Variants in PPARGC1A observed in about 807,000 individuals in gnomAD.
PPARGC1A encodes peroxisome proliferator-activated receptor gamma coactivator 1-alpha.
PPARGC1A carries 25 observed loss-of-function variants against 88.7 expected under a neutral mutation model. The observed-to-expected ratio is 0.28, with a 90% CI of 0.21 to 0.39. The LOEUF (loss-of-function observed/expected upper bound fraction) is 0.39. Among genes scored for constraint, PPARGC1A ranks in the 10% least tolerant of loss-of-function variants. PPARGC1A has a pLI of 1.00. For missense variants in PPARGC1A, 880 were observed against 968.7 expected (o/e 0.91, Z 1.22); for synonymous variants, 363 against 355.6 (o/e 1.02, Z -0.24).
At chr4:24,333,739 G>A in the PPARGC1A span, among the ~76,000 whole-genome samples, 1 of 151,986 alleles carries the variant, frequency 6.6e-6, no homozygotes, top group Non-Finnish European at 1.5e-5. Context: ...TTCAAGACCA[G>A]CCTGGTCAAC....
the PPARGC1A span, among the ~76,000 whole-genome samples, chr4:24,141,944 A>G: frequency 2.0e-5 from 3 of 152,168 alleles, no homozygotes; most frequent in Admixed American, 2.0e-4. Context: ...CCAAATAGTG[A>G]CTCAAAAACC....
the PPARGC1A span, among the ~76,000 whole-genome samples, chr4:23,912,344 A>G: frequency 6.6e-6 from 1 of 152,116 alleles, no homozygotes; most frequent in East Asian, 1.9e-4. Flanking sequence ...TTCTTCACGT[A>G]TAAAGTAGGA....
the PPARGC1A span, among the ~76,000 whole-genome samples, chr4:24,067,582 C>T: frequency 3.3e-5 from 5 of 152,136 alleles, no homozygotes; most frequent in South Asian, 4.1e-4. Flanking sequence ...AAGCATCGCA[C>T]GTGGCCAAGG....
At chr4:24,125,447 T>A in the PPARGC1A span, among the ~76,000 whole-genome samples, 97,121 of 151,878 alleles carry the variant, frequency 0.64, 31,227 homozygotes, top group Non-Finnish European at 0.67. Context: ...ACCCCAAAGC[T>A]GCTGCTGTTA....
the PPARGC1A span, among the ~76,000 whole-genome samples, chr4:24,424,659 C>A: frequency 2.6e-5 from 4 of 152,146 alleles, no homozygotes; most frequent in Non-Finnish European, 5.9e-5. Context: ...ACTTTAGGTT[C>A]CAGTATCCAT....
chr4:23,905,128 T>C (rs371207887), upstream of PPARGC1A, among the ~76,000 whole-genome samples: 40 of 152,328 alleles, frequency 2.6e-4, 1 homozygote, highest in East Asian at 4.4e-3. Context: ...CCCTAGTATG[T>C]AAAGAGCAGC....
At chr4:24,182,631 C>T in the PPARGC1A span, among the ~76,000 whole-genome samples, 2 of 151,960 alleles carry the variant, frequency 1.3e-5, no homozygotes, top group Non-Finnish European at 2.9e-5. Flanking sequence ...AAAAGCGTCC[C>T]TATTTCTCCA....
chr4:24,218,194 A>T, the PPARGC1A span, among the ~76,000 whole-genome samples: 3 of 152,224 alleles, frequency 2.0e-5, no homozygotes, highest in African/African-American at 7.2e-5. Context: ...GCAAAGAAAC[A>T]ATGGCATATA....
At chr4:24,059,834 G>GA in the PPARGC1A span, among the ~76,000 whole-genome samples, 2 of 152,054 alleles carry the variant, frequency 1.3e-5, no homozygotes, top group Non-Finnish European at 2.9e-5. Context: ...GTTATTCCCA[G>GA]AGCCACAAAA....
At chr4:23,805,390 A>C (rs1489386584) in intron 10 of PPARGC1A, among the ~76,000 whole-genome samples, 1 of 152,238 alleles carries the variant, frequency 6.6e-6, no homozygotes, top group Non-Finnish European at 1.5e-5. Context: ...GATAACAAAC[A>C]GTTGGTAAAA....
chr4:24,221,245 CATAT>C, the PPARGC1A span, among the ~76,000 whole-genome samples: 1 of 152,094 alleles, frequency 6.6e-6, no homozygotes, highest in Non-Finnish European at 1.5e-5. Flanking sequence ...TATTTTATTA[CATAT>C]ATATTAGTAT....
chr4:24,073,418 A>G, the PPARGC1A span, among the ~76,000 whole-genome samples: 2 of 152,176 alleles, frequency 1.3e-5, no homozygotes, highest in African/African-American at 4.8e-5. Flanking sequence ...ATACACATAC[A>G]AACTTTGTCA....
chr4:23,944,065 G>A, the PPARGC1A span, among the ~76,000 whole-genome samples: 144 of 152,196 alleles, frequency 9.5e-4, no homozygotes, highest in African/African-American at 3.2e-3. Context: ...GGACATTATA[G>A]AAAAACTAAG....
chr4:23,873,221 A>AAAAAAAAAAAAAAAAAAAAG (rs1297257881), intron 2 of PPARGC1A, among the ~76,000 whole-genome samples: 6 of 142,422 alleles, frequency 4.2e-5, no homozygotes, highest in South Asian at 2.2e-4. Context: ...AAAAAATAAA[A>AAAAAAAAAAAAAAAAAAAAG]AATAAAGAAA....
chr4:23,955,844 T>TGGG, the PPARGC1A span, among the ~76,000 whole-genome samples: 5 of 152,220 alleles, frequency 3.3e-5, no homozygotes. Flanking sequence ...TAAATAGCCA[T>TGGG]GTTAGAACAA....
the PPARGC1A span, among the ~76,000 whole-genome samples, chr4:24,126,936 C>T: frequency 6.6e-6 from 1 of 152,180 alleles, no homozygotes; most frequent in Admixed American, 6.5e-5. Flanking sequence ...CACACTCAGC[C>T]CTTTTATCCA....
At chr4:24,387,594 C>G in the PPARGC1A span, among the ~76,000 whole-genome samples, 1,989 of 151,780 alleles carry the variant, frequency 0.013, 32 homozygotes, top group Admixed American at 0.022. Context: ...CATGGTAGCT[C>G]ATGCTGGTAG....
the PPARGC1A span, among the ~76,000 whole-genome samples, chr4:24,436,122 C>G: frequency 6.6e-6 from 1 of 152,112 alleles, no homozygotes; most frequent in Non-Finnish European, 1.5e-5. Context: ...TAGATATTCC[C>G]GATCAATATA....
At chr4:23,895,978 GTGTATATATA>G (rs1256169983) in intron 1 of PPARGC1A, among the ~76,000 whole-genome samples, 514 of 40,666 alleles carry the variant, frequency 0.013, 3 homozygotes, top group African/African-American at 0.036. Flanking sequence ...GTGTGTGTGT[GTGTATATATA>G]TATACACACA....
Sources: allele counts gnomAD v4.1 joint callset (sites outside exome capture counted in the v4.1 genomes callset), GRCh38; gene constraint gnomAD v4.1.1; transcripts MANE v1.5; gene names NCBI Gene and HGNC (gene_info 2026-07-23, HGNC 2026-07-21).